Variants in GPM6A observed in about 807,000 individuals in gnomAD.
The protein encoded by GPM6A is neuronal membrane glycoprotein M6-a.
Under a neutral mutation model 32.1 loss-of-function variants are expected in GPM6A, and 7 were observed. That is an observed-to-expected ratio of 0.22 (90% CI 0.12 to 0.41). The LOEUF is 0.41. Among genes scored for constraint, GPM6A ranks in the 10% least tolerant of loss-of-function variants. GPM6A has a pLI of 1.00. For synonymous variants in GPM6A, 130 were observed against 123.4 expected (o/e 1.05, Z -0.35); for missense variants, 235 against 347.2 (o/e 0.68, Z 2.57).
intron 1 of GPM6A, among the ~76,000 whole-genome samples, chr4:175,817,342 T>A: frequency 6.6e-6 from 1 of 152,232 alleles, no homozygotes; most frequent in East Asian, 1.9e-4. Context: ...TAAAAGTGTT[T>A]ACTAAGCATT....
At chr4:175,690,028 C>T (rs1265956357) in intron 2 of GPM6A, among the ~76,000 whole-genome samples, 1 of 152,186 alleles carries the variant, frequency 6.6e-6, no homozygotes, top group African/African-American at 2.4e-5. Context: ...TTCAACATGG[C>T]TGTTACGGGC....
chr4:175,809,804 G>C (rs560677441), intron 1 of GPM6A, among the ~76,000 whole-genome samples: 3 of 152,236 alleles, frequency 2.0e-5, no homozygotes, highest in African/African-American at 7.2e-5. Context: ...TAAACACCAA[G>C]TATATATATT....
intron 2 of GPM6A, among the ~76,000 whole-genome samples, chr4:175,689,749 G>A (rs1019443242): frequency 6.6e-6 from 1 of 152,160 alleles, no homozygotes; most frequent in Non-Finnish European, 1.5e-5. Flanking sequence ...CTCCCTTCGG[G>A]TCTGTCAGTG....
intron 1 of GPM6A, among the ~76,000 whole-genome samples, chr4:175,873,527 C>T (rs776564440): frequency 3.9e-5 from 6 of 152,030 alleles, no homozygotes; most frequent in Admixed American, 6.6e-5. Context: ...CATAGCCAAA[C>T]TATAAATAGA....
At chr4:175,824,562 T>C (rs1046813186) in intron 1 of GPM6A, among the ~76,000 whole-genome samples, 9 of 152,200 alleles carry the variant, frequency 5.9e-5, no homozygotes, top group African/African-American at 2.2e-4. Context: ...TCAGTATGTC[T>C]GATATCCATT....
At chr4:175,952,370 A>C (rs904981883) in intron 1 of GPM6A, among the ~76,000 whole-genome samples, 3 of 152,186 alleles carry the variant, frequency 2.0e-5, no homozygotes, top group Non-Finnish European at 4.4e-5. Context: ...AAGCTGCATA[A>C]TGGATTCCCA....
chr4:175,873,442 G>A (rs1336984657), intron 1 of GPM6A, among the ~76,000 whole-genome samples: 3 of 152,014 alleles, frequency 2.0e-5, no homozygotes, highest in Non-Finnish European at 4.4e-5. Flanking sequence ...TTAAAAATAT[G>A]TAATCATTTA....
intron 1 of GPM6A, among the ~76,000 whole-genome samples, chr4:175,886,425 A>C (rs1202036572): frequency 6.6e-6 from 1 of 152,180 alleles, no homozygotes; most frequent in Non-Finnish European, 1.5e-5. Context: ...CTTTCAAGAA[A>C]GAGTGTGAAA....
intron 1 of GPM6A, among the ~76,000 whole-genome samples, chr4:175,889,075 A>G (rs1455605195): frequency 6.6e-6 from 1 of 152,174 alleles, no homozygotes; most frequent in Non-Finnish European, 1.5e-5. Context: ...GACAAACTAT[A>G]TGGTTAAAAT....
At chr4:175,696,259 G>T (rs1744572763) in intron 2 of GPM6A, among the ~76,000 whole-genome samples, 1 of 152,130 alleles carries the variant, frequency 6.6e-6, no homozygotes, top group East Asian at 1.9e-4. Flanking sequence ...CCCTTTTACT[G>T]ATTAGTTACT....
chr4:175,710,641 A>G (rs1745475678), intron 1 of GPM6A, among the ~76,000 whole-genome samples: 1 of 152,200 alleles, frequency 6.6e-6, no homozygotes, highest in Non-Finnish European at 1.5e-5. Flanking sequence ...TTCTGAAAGT[A>G]GCAGAAATTT....
chr4:175,931,709 C>CACATAT (rs1324269132), intron 1 of GPM6A, among the ~76,000 whole-genome samples: 14 of 129,294 alleles, frequency 1.1e-4, no homozygotes, highest in African/African-American at 4.0e-4. Flanking sequence ...CACACACACA[C>CACATAT]ATATATATAT....
chr4:175,794,731 A>G (rs377196243), intron 1 of GPM6A, among the ~76,000 whole-genome samples: 6 of 152,286 alleles, frequency 3.9e-5, no homozygotes, highest in African/African-American at 1.4e-4. Context: ...AGAAGATGGA[A>G]AATAAATCAG....
chr4:175,760,136 G>A (rs1423118984), intron 1 of GPM6A, among the ~76,000 whole-genome samples: 2 of 151,906 alleles, frequency 1.3e-5, no homozygotes, highest in Admixed American at 6.6e-5. Flanking sequence ...AGATCACTCC[G>A]CTATACTCCA....
intron 1 of GPM6A, among the ~76,000 whole-genome samples, chr4:175,924,668 C>T (rs1302641875): frequency 2.0e-5 from 3 of 151,900 alleles, no homozygotes; most frequent in East Asian, 1.9e-4. Context: ...GGCAAAACCC[C>T]GTCTCTACTA....
At chr4:175,738,779 G>T (rs1731764728) in intron 1 of GPM6A, among the ~76,000 whole-genome samples, 1 of 152,162 alleles carries the variant, frequency 6.6e-6, no homozygotes, top group Non-Finnish European at 1.5e-5. Context: ...AATTTAATGT[G>T]CAGATAATTT....
Position 175,752,101 on chromosome 4 carries a change from T to C in GPM6A, c.38-50334A>G, listed in dbSNP as rs73006361. On this transcript the variant is annotated intron_variant, in intron 1 of 6. Coordinates refer to ENST00000393658, the MANE Select transcript of GPM6A (RefSeq NM_201591.3). The stretch of plus-strand genomic sequence containing the variant: ...GGAACCTTCCTGTTTTTCTCTTTTT[T>C]CAACATTTCCACATACTAATTCAGT... Among the ~76,000 whole-genome samples, 714 of 152,258 alleles carry C rather than the reference T, an allele frequency of 4.7e-3. 3 individuals are homozygous for C. Among genetic ancestry groups the C allele is most frequent in the African/African-American group, 0.016 (645 of 41,558 alleles).
intron 1 of GPM6A, among the ~76,000 whole-genome samples, chr4:175,702,828 T>C (rs1431630458): frequency 6.6e-6 from 1 of 152,170 alleles, no homozygotes; most frequent in Non-Finnish European, 1.5e-5. Flanking sequence ...TCATGTTATG[T>C]AGTAAGGGAA....
chr4:175,871,582 T>C (rs1736911282), intron 1 of GPM6A, among the ~76,000 whole-genome samples: 1 of 152,222 alleles, frequency 6.6e-6, no homozygotes, highest in Non-Finnish European at 1.5e-5. Context: ...AATAGCTTTC[T>C]CTCTTTTCTA....
Sources: allele counts gnomAD v4.1 joint callset (sites outside exome capture counted in the v4.1 genomes callset), GRCh38; gene constraint gnomAD v4.1.1; transcripts MANE v1.5; gene names NCBI Gene and HGNC (gene_info 2026-07-23, HGNC 2026-07-21).